ZNF451: variants seen among roughly 807,000 people sequenced by gnomAD.
The protein encoded by ZNF451 is zinc finger protein 451, also known as E3 SUMO-protein ligase ZNF451.
ZNF451 carries 80 observed loss-of-function variants against 107.1 expected under a neutral mutation model. That is an observed-to-expected ratio of 0.75 (90% confidence interval 0.62 to 0.90). ZNF451 has a LOEUF of 0.90. Ranked by LOEUF, ZNF451 falls within the 40% of genes least tolerant of loss-of-function variation. The pLI is 0.00. For missense variants in ZNF451, 1,107 were observed against 1,236.2 expected (o/e 0.90, Z 1.57); for synonymous variants, 362 against 406.5 (o/e 0.89, Z 1.32).
chr6:57,135,736 G>A (rs961602764), intron 7 of ZNF451, among the ~76,000 whole-genome samples: 5 of 151,992 alleles, frequency 3.3e-5, no homozygotes, highest in African/African-American at 1.2e-4. Flanking sequence ...CCCATTGGAT[G>A]TATTGTTTGT....
chr6:57,109,637 G>C (rs974615052), intron 3 of ZNF451: 29 of 985,216 alleles, frequency 2.9e-5, no homozygotes, highest in Non-Finnish European at 3.5e-5. Flanking sequence ...ATGTGATCAT[G>C]TTCCCCTTTA....
intron 3 of ZNF451, chr6:57,106,664 G>C (rs1829878608): frequency 1.0e-6 from 1 of 978,550 alleles, no homozygotes; most frequent in Non-Finnish European, 1.2e-6. Flanking sequence ...GTCTCGCACT[G>C]TTTAGGTTCT....
Position 57,133,171 on chromosome 6 carries a change from T to C in ZNF451, c.554T>C (p.Leu185Pro). 1 of 1,614,042 alleles carries C rather than the reference T, an allele frequency of 6.2e-7. No homozygotes were observed. Among genetic ancestry groups the C allele is most frequent in the East Asian group, 2.2e-5 (1 of 44,864 alleles). The change falls in exon 6 of 15, where the codon CTT becomes CCT. Residue 185 changes from leucine (L) to proline (P), a missense_variant. Around this residue, in one of 5 missense-constraint regions of ZNF451, gnomAD observed 339 missense variants for 372.8 expected, o/e 0.91. Coordinates refer to ENST00000370706, the MANE Select transcript of ZNF451 (RefSeq NM_001031623.3). ...HCNKEFDNGH[L>P]LLGHLKRFDH... is the part of the protein sequence containing the mutation. Reference sequence around the variant, plus strand: ...AACAAGGAGTTTGACAATGGGCACCTTCTCTTAGGACATTTGAAAAGGTAA... The same window carrying C: ...AACAAGGAGTTTGACAATGGGCACCCTCTCTTAGGACATTTGAAAAGGTAA...
rs1763271215 is a variant in ZNF451, at chr6:57,153,945, C to T, written c.2968C>T (p.Gln990Ter). The T allele has an allele frequency of 1.9e-6, 3 of 1,614,024 alleles. No homozygotes were observed. The highest frequency in any genetic ancestry group is 2.5e-6 in the Non-Finnish European group (3 of 1,180,030). Reference sequence around the variant, plus strand: ...TCAAGGTTTTCTGGAGCTAGAGAATCAATTTAAGAAGACTCAGAGGCCAGC... The same window carrying T: ...TCAAGGTTTTCTGGAGCTAGAGAATTAATTTAAGAAGACTCAGAGGCCAGC... ...GDQGFLELEN[Q>*]FKKTQRPAHI... The change falls in exon 13 of 15, where the codon CAA (glutamine) becomes TAA (stop). Residue 990 changes from glutamine (Q) to a stop codon, truncating the protein, a stop_gained. Transcript: ENST00000370706. LOFTEE classifies it high-confidence loss of function.
At chr6:57,092,180 A>G (rs1829081139) in intron 2 of ZNF451, among the ~76,000 whole-genome samples, 1 of 152,172 alleles carries the variant, frequency 6.6e-6, no homozygotes, top group South Asian at 2.1e-4. Context: ...TAATACTAGG[A>G]ATGACATACT....
intron 7 of ZNF451, among the ~76,000 whole-genome samples, chr6:57,135,942 T>C (rs1003339313): frequency 6.6e-5 from 10 of 152,194 alleles, no homozygotes; most frequent in African/African-American, 2.4e-4. Context: ...GAAAGTAACA[T>C]GGAGAATAGC....
At position 57,128,864 on chromosome 6, in the gene ZNF451, G is replaced by A. The variant is rs201816513; in HGVS notation, c.424+24G>A. ...AGGTATTCTTTAGAAATTACACTAA[G>A]GTTACCTAGCTTCCCCAAAGCCTTA... On this transcript the variant is annotated intron_variant, in intron 5 of 14. Coordinates refer to ENST00000370706, the MANE Select transcript of ZNF451 (RefSeq NM_001031623.3). 307 of 1,552,196 alleles carry A rather than the reference G, an allele frequency of 2.0e-4. 2 individuals are homozygous for A. The African/African-American group carries it at 3.4e-3, about 17-fold the overall frequency.
At chr6:57,103,909 G>T (rs950068978) in intron 3 of ZNF451, 6 of 984,996 alleles carry the variant, frequency 6.1e-6, no homozygotes, top group Non-Finnish European at 6.0e-6. Flanking sequence ...TTCCTTATTT[G>T]TGCTACAGAG....
At chr6:57,161,968 A>T (rs1396018149) in intron 14 of ZNF451, among the ~76,000 whole-genome samples, 3 of 152,220 alleles carry the variant, frequency 2.0e-5, no homozygotes, top group Non-Finnish European at 4.4e-5. Context: ...TGCTGGCTGT[A>T]CCATTATTTG....
chr6:57,101,240 C>T, intron 3 of ZNF451: 1 of 1,551,106 alleles, frequency 6.4e-7, no homozygotes, highest in Non-Finnish European at 8.7e-7. Flanking sequence ...AAAAGGGTGA[C>T]ATTACAATCT....
intron 3 of ZNF451, among the ~76,000 whole-genome samples, chr6:57,114,519 C>T (rs1830271049): frequency 2.0e-5 from 3 of 152,042 alleles, no homozygotes. Flanking sequence ...AGTGACTTTC[C>T]TTAATTCTTG....
intron 4 of ZNF451, among the ~76,000 whole-genome samples, chr6:57,125,393 G>A (rs1328408273): frequency 6.6e-6 from 1 of 152,096 alleles, no homozygotes; most frequent in Non-Finnish European, 1.5e-5. Flanking sequence ...TGCTTTAGAA[G>A]GCCCCAAATG....
chr6:57,162,263 T>C (rs1763703010), intron 14 of ZNF451, among the ~76,000 whole-genome samples: 1 of 152,158 alleles, frequency 6.6e-6, no homozygotes, highest in Non-Finnish European at 1.5e-5. Context: ...GCCCAACTGG[T>C]ATGTTTTCTT....
chr6:57,098,615 GGAAA>G (rs1488264881), intron 2 of ZNF451, among the ~76,000 whole-genome samples: 1 of 152,174 alleles, frequency 6.6e-6, no homozygotes, highest in Non-Finnish European at 1.5e-5. Context: ...TGGCATGGAT[GGAAA>G]GAAAGAATGG....
chr6:57,151,030 C>T (rs1370351301), intron 11 of ZNF451, 168 bp downstream of exon 11: 2 of 799,350 alleles, frequency 2.5e-6, no homozygotes, highest in East Asian at 5.6e-5. Context: ...TTACATGCCT[C>T]TGTGGTAAAT....
rs1562635313 is a variant in ZNF451, at chr6:57,169,128, C to T, written c.*659C>T. 6.6e-6 allele frequency: 1 copy of T among 152,096 alleles called. No individual in the cohort carries two copies. Among genetic ancestry groups the T allele is most frequent in the African/African-American group, 2.4e-5 (1 of 41,416 alleles). The allele number at this position is 152,096 out of a possible 1,614,324, so 9.4% of individuals were successfully genotyped here. A position where few individuals can be genotyped will look rare whatever the true frequency, so the allele number is the denominator to read the frequency against. ...AGAAATAATTTAAATGAAACAATTT[C>T]CATTCCTTTTACCTGCTTAGACTTT... On this transcript the variant is annotated 3_prime_UTR_variant, in exon 15 of 15. Transcript: ENST00000370706.
At chr6:57,125,227 G>C (rs1245035760) in intron 4 of ZNF451, among the ~76,000 whole-genome samples, 2 of 152,078 alleles carry the variant, frequency 1.3e-5, no homozygotes, top group Non-Finnish European at 2.9e-5. Flanking sequence ...TTTTCTACTG[G>C]ATAGAACCAG....
chr6:57,161,786 C>G (rs565365305), intron 14 of ZNF451, among the ~76,000 whole-genome samples: 1 of 152,204 alleles, frequency 6.6e-6, no homozygotes. Flanking sequence ...CCTCTGCCTC[C>G]TGGGTTCAAG....
intron 9 of ZNF451, among the ~76,000 whole-genome samples, chr6:57,146,551 A>G (rs141905251): frequency 2.7e-3 from 405 of 152,136 alleles, no homozygotes; most frequent in African/African-American, 8.9e-3. Flanking sequence ...ATTTTTGTCA[A>G]TTTCATCAAA....
Sources: gnomAD v4.1 joint callset for allele counts (sites outside exome capture counted in the v4.1 genomes callset) on GRCh38, gnomAD v4.1.1 for gene constraint, gnomAD v4.1.1 regional missense constraint, MANE v1.5 for transcripts, NCBI Gene and HGNC (gene_info 2026-07-23, HGNC 2026-07-21) for gene names.